The following GYPC variants were observed in gnomAD, a reference collection of about 807,000 sequenced individuals.
The protein encoded by GYPC is glycophorin-C.
In GYPC, 14 loss-of-function variants were observed where a neutral mutation model predicts 12.6. The observed-to-expected ratio is 1.11, with a 90% CI of 0.74 to 1.74. GYPC has a LOEUF of 1.74. Among genes scored for constraint, GYPC ranks in the 40% most tolerant of loss-of-function variants. The pLI, the probability that GYPC is intolerant of heterozygous loss-of-function variation, is 0.00. For synonymous variants in GYPC, 78 were observed against 62.1 expected, an observed-to-expected ratio of 1.26 and a Z score of -1.20; for missense variants, 225 against 172.1, an observed-to-expected ratio of 1.31 and a Z score of -1.72.
chr2:126,691,598 T>A (rs550272119), intron 2 of GYPC, among the ~76,000 whole-genome samples: 87 of 152,164 alleles, frequency 5.7e-4, no homozygotes, highest in African/African-American at 2.0e-3. Flanking sequence ...AATAGCCTCA[T>A]TTTTCCCCCT....
intron 1 of GYPC, chr2:126,678,446 C>G (rs1409525774): frequency 1.3e-5 from 2 of 152,454 alleles, no homozygotes; most frequent in African/African-American, 4.8e-5. Flanking sequence ...CAGGCTCCCT[C>G]CCCATCCCAC....
chr2:126,681,419 T>G (rs1324214140), intron 1 of GYPC, among the ~76,000 whole-genome samples: 2 of 152,222 alleles, frequency 1.3e-5, no homozygotes, highest in African/African-American at 4.8e-5. Flanking sequence ...ATTTTTCATT[T>G]TAGACTGCAT....
At chr2:126,669,943 C>T (rs1029182561) in intron 1 of GYPC, among the ~76,000 whole-genome samples, 2 of 152,192 alleles carry the variant, frequency 1.3e-5, no homozygotes, top group African/African-American at 4.8e-5. Context: ...ATCTGAGTTT[C>T]TGGCCACATC....
Position 126,683,661 on chromosome 2 carries a change from A to G in GYPC, c.50-6594A>G, listed in dbSNP as rs369012890. Among the ~76,000 whole-genome samples, 11 of 152,352 alleles carry G rather than the reference A, an allele frequency of 7.2e-5. No homozygotes were observed. The East Asian group carries it at 1.5e-3, about 21-fold the overall frequency. On this transcript the variant is annotated intron_variant, in intron 1 of 3. Coordinates refer to ENST00000259254, the MANE Select transcript of GYPC (RefSeq NM_002101.5). ...TTTTTTTCTAAGGCTCAGGGCGAGT[A>G]ACAGGGAAATCTATACAGAGGAAAC...
At chr2:126,670,092 C>T (rs1176776761) in intron 1 of GYPC, among the ~76,000 whole-genome samples, 1 of 152,210 alleles carries the variant, frequency 6.6e-6, no homozygotes, top group African/African-American at 2.4e-5. Context: ...CCTTTGAATT[C>T]CCTGCGTGTG....
chr2:126,677,062 C>T (rs1310353089), intron 1 of GYPC, among the ~76,000 whole-genome samples: 1 of 152,192 alleles, frequency 6.6e-6, no homozygotes, highest in Non-Finnish European at 1.5e-5. Flanking sequence ...GGCTGCCACA[C>T]CCTATCTTCC....
At chr2:126,674,642 A>G (rs1682945804) in intron 1 of GYPC, among the ~76,000 whole-genome samples, 1 of 152,166 alleles carries the variant, frequency 6.6e-6, no homozygotes, top group South Asian at 2.1e-4. Context: ...CTCAGAGAAG[A>G]TGGAAGCCTT....
intron 1 of GYPC, among the ~76,000 whole-genome samples, chr2:126,677,600 C>A (rs759520015): frequency 6.6e-6 from 1 of 151,442 alleles, no homozygotes; most frequent in Non-Finnish European, 1.5e-5. Flanking sequence ...TATGTTCATC[C>A]TTAAATATAT....
chr2:126,677,959 C>G (rs1293129353), intron 1 of GYPC, among the ~76,000 whole-genome samples: 30 of 152,236 alleles, frequency 2.0e-4, no homozygotes, highest in Admixed American at 2.0e-3. Context: ...CAGCGGCTCA[C>G]GCCTGTAATC....
At chr2:126,695,020 C>A (rs938052453) in intron 3 of GYPC, among the ~76,000 whole-genome samples, 1 of 152,178 alleles carries the variant, frequency 6.6e-6, no homozygotes, top group Admixed American at 6.5e-5. Context: ...ATTACCCTCT[C>A]CCACTTCAGT....
At chr2:126,673,619 A>G (rs1017497336) in intron 1 of GYPC, among the ~76,000 whole-genome samples, 3 of 152,236 alleles carry the variant, frequency 2.0e-5, no homozygotes, top group African/African-American at 7.2e-5. Context: ...CACGACTAGA[A>G]TTCAGGTGTT....
chr2:126,694,917 C>T (rs112581478), intron 3 of GYPC, among the ~76,000 whole-genome samples: 54 of 152,270 alleles, frequency 3.5e-4, no homozygotes, highest in African/African-American at 1.3e-3. Flanking sequence ...CCCTCCTGAG[C>T]AGCTTCACAC....
chr2:126,669,693 A>C (rs978180853), intron 1 of GYPC, among the ~76,000 whole-genome samples: 3 of 152,188 alleles, frequency 2.0e-5, no homozygotes, highest in African/African-American at 7.2e-5. Flanking sequence ...TGCTAGAGGA[A>C]GTCAAAATGC....
intron 1 of GYPC, chr2:126,686,582 C>T (rs1265666807): frequency 1.0e-6 from 1 of 979,734 alleles, no homozygotes; most frequent in Non-Finnish European, 1.2e-6. Flanking sequence ...GCCAGGCACC[C>T]AGTCTAATGC....
At chr2:126,675,878 A>G (rs1186531136) in intron 1 of GYPC, 1 of 172,674 alleles carries the variant, frequency 5.8e-6, no homozygotes, top group East Asian at 1.9e-4. Context: ...ATATTCTTTC[A>G]TTTTTTCCCA....
At chr2:126,693,338 G>A (rs1683532549) in intron 2 of GYPC, among the ~76,000 whole-genome samples, 1 of 152,136 alleles carries the variant, frequency 6.6e-6, no homozygotes, top group Non-Finnish European at 1.5e-5. Context: ...GCCATGAGTG[G>A]GAGTAGTATG....
chr2:126,690,649 G>C (rs1201060559), intron 2 of GYPC, among the ~76,000 whole-genome samples: 1 of 152,136 alleles, frequency 6.6e-6, no homozygotes, highest in Non-Finnish European at 1.5e-5. Flanking sequence ...GGAGGTTGAG[G>C]GTGGAGGTGA....
chr2:126,663,625 C>T (rs535683416), intron 1 of GYPC, among the ~76,000 whole-genome samples: 9 of 152,186 alleles, frequency 5.9e-5, no homozygotes, highest in East Asian at 5.8e-4. Flanking sequence ...AGTCAGCAAA[C>T]GGATGGAGGG....
intron 1 of GYPC, chr2:126,678,671 C>T (rs1683078479): frequency 6.6e-6 from 1 of 152,558 alleles, no homozygotes; most frequent in Non-Finnish European, 1.5e-5. Flanking sequence ...ACTGCATCTC[C>T]ACCCTTTGTG....
Sources: gnomAD v4.1 joint callset for allele counts (sites outside exome capture counted in the v4.1 genomes callset) on GRCh38, gnomAD v4.1.1 for gene constraint, MANE v1.5 for transcripts, NCBI Gene and HGNC (gene_info 2026-07-23, HGNC 2026-07-21) for gene names.